Variants in WNK4 observed in about 807,000 individuals in gnomAD.
WNK4 encodes the protein serine/threonine-protein kinase WNK4.
Under a neutral mutation model 116.2 loss-of-function variants are expected in WNK4, and 94 were observed. The observed-to-expected ratio is 0.81, with a 90% CI of 0.68 to 0.96. The LOEUF (loss-of-function observed/expected upper bound fraction) is 0.96, where lower values mean the gene tolerates loss of function less well. Among genes scored for constraint, WNK4 ranks in the 40% least tolerant of loss-of-function variants. The probability of loss-of-function intolerance (pLI) is 0.00; values close to 1 mark genes in which losing one functional copy is unlikely to be tolerated. For synonymous variants in WNK4, 655 were observed against 672.7 expected, an observed-to-expected ratio of 0.97 and a Z score of 0.41; for missense variants, 1,542 against 1,650.6, an observed-to-expected ratio of 0.93 and a Z score of 1.14.
At position 42,785,259 on chromosome 17, in the gene WNK4, C is replaced by A; in HGVS notation, c.1260-7C>A. The A allele has an allele frequency of 6.2e-7, 1 of 1,608,236 alleles. No homozygotes were observed. Among genetic ancestry groups the A allele is most frequent in the Non-Finnish European group, 8.5e-7 (1 of 1,177,768 alleles). On this transcript the variant is annotated splice_region_variant and splice_polypyrimidine_tract_variant and intron_variant, in intron 5 of 18. Coordinates refer to ENST00000246914, the MANE Select transcript of WNK4 (RefSeq NM_032387.5). Reference sequence around the variant, plus strand: ...GCGGGCTCGGCTCACCCACGCGTCACCCTCAGGTTCACCATCCAGGACCTC... The same window carrying A: ...GCGGGCTCGGCTCACCCACGCGTCAACCTCAGGTTCACCATCCAGGACCTC...
chr17:42,793,223 AT>A (rs1279029092), intron 11 of WNK4, among the ~76,000 whole-genome samples: 1 of 151,848 alleles, frequency 6.6e-6, no homozygotes, highest in African/African-American at 2.4e-5. Context: ...TGGATTTTTT[AT>A]TTTTATTTTT....
chr17:42,785,255 G>A lies in WNK4; in HGVS notation c.1260-11G>A. On this transcript the variant is annotated splice_polypyrimidine_tract_variant and intron_variant, in intron 5 of 18. Coordinates refer to ENST00000246914, the MANE Select transcript of WNK4 (RefSeq NM_032387.5). The stretch of plus-strand genomic sequence containing the variant: ...CGCGGCGGGCTCGGCTCACCCACGC[G>A]TCACCCTCAGGTTCACCATCCAGGA... 2 of 1,607,422 alleles carry A rather than the reference G, an allele frequency of 1.2e-6. No homozygotes were observed. The highest frequency in any genetic ancestry group is 1.7e-6 in the Non-Finnish European group (2 of 1,177,400).
intron 6 of WNK4, among the ~76,000 whole-genome samples, chr17:42,785,916 C>T (rs1175517825): frequency 6.6e-6 from 1 of 152,186 alleles, no homozygotes; most frequent in African/African-American, 2.4e-5. Flanking sequence ...CACTATCGGT[C>T]CTGTCTTAAA....
At chr17:42,788,984 A>T (rs2054582290) in intron 11 of WNK4, among the ~76,000 whole-genome samples, 187 bp downstream of exon 11, 1 of 152,130 alleles carries the variant, frequency 6.6e-6, no homozygotes, top group Non-Finnish European at 1.5e-5. Flanking sequence ...TTATCCAGTG[A>T]GGTTTGGCTT....
chr17:42,780,880 G>T lies in WNK4; in HGVS notation c.182G>T (p.Arg61Leu). Reference sequence around the variant, plus strand: ...CGGCCGCGCTCTTCTCGTCTCAGCCGCCGTAGCTCAGTCGACTTGGGGCTG... The same window carrying T: ...CGGCCGCGCTCTTCTCGTCTCAGCCTCCGTAGCTCAGTCGACTTGGGGCTG... ...EPRPRSSRLS[R>L]RSSVDLGLLS... The change falls in exon 1 of 19, where the codon CGC (arginine) becomes CTC (leucine). Residue 61 changes from arginine (R) to leucine (L), a missense_variant. Physicochemically the swap from Arg to Leu is moderately radical, Grantham distance 102. Around this residue, in one of 7 missense-constraint regions of WNK4, gnomAD observed 243 missense variants for 217.8 expected, o/e 1.12. Transcript: ENST00000246914. 6.2e-7 allele frequency: 1 copy of T among 1,605,322 alleles called. No individual in the cohort carries two copies.
At position 42,781,097 on chromosome 17, in the gene WNK4, C is replaced by G. The variant is rs1258132604; in HGVS notation, c.399C>G (p.Gly133=). The G allele has an allele frequency of 1.2e-6, 2 of 1,613,320 alleles. No homozygotes were observed. The highest frequency in any genetic ancestry group is 1.7e-6 in the Non-Finnish European group (2 of 1,179,832). Residue 133 remains glycine (G), a synonymous_variant, in exon 1 of 19, where the codon GGC becomes GGG. Transcript: ENST00000246914. The part of the protein sequence containing the change: ...ARPELPDSAV[G]PGSREPLRVP... ...CCGAGCTCCCGGACTCTGCAGTGGG[C>G]CCGGGGTCCAGGGAGCCGCTAAGGG...
chr17:42,796,345 T>A, intron 17 of WNK4, 23 bp downstream of exon 17: 1 of 1,609,886 alleles, frequency 6.2e-7, no homozygotes, highest in South Asian at 1.1e-5. Flanking sequence ...TCACCCAGCT[T>A]CCATCTTTTC....
chr17:42,787,510 T>A lies in WNK4; in HGVS notation c.1709T>A (p.Leu570His). The A allele has an allele frequency of 6.4e-7, 1 of 1,552,734 alleles. No homozygotes were observed. ...EPEADQHQPFLFRHASYSSTT... is the reference protein window; with the variant it reads ...EPEADQHQPFHFRHASYSSTT... ...GAGGCAGACCAGCACCAGCCCTTCCTTTTCCGCCACGCCAGCTACTCATCT... is the reference window on the plus strand; with the variant it reads ...GAGGCAGACCAGCACCAGCCCTTCCATTTCCGCCACGCCAGCTACTCATCT... Residue 570 changes from leucine (L) to histidine (H), a missense_variant, in exon 7 of 19, where the codon CTT (leucine) becomes CAT (histidine). Coordinates refer to ENST00000246914, the MANE Select transcript of WNK4 (RefSeq NM_032387.5).
At chr17:42,788,828 T>C in intron 11 of WNK4, 31 bp downstream of exon 11, 1 of 1,571,230 alleles carries the variant, frequency 6.4e-7, no homozygotes, top group Non-Finnish European at 8.8e-7. Flanking sequence ...GACAGAGTGT[T>C]TGGATCTGGA....
In WNK4 at chr17:42,794,956, C is replaced by G. The variant is rs541874705; in HGVS notation, c.2535C>G (p.Pro845=). 1 of 1,612,782 alleles carries G rather than the reference C, an allele frequency of 6.2e-7. No individual in the cohort carries two copies. Among genetic ancestry groups the G allele is most frequent in the African/African-American group, 1.3e-5 (1 of 74,416 alleles). The change falls in exon 14 of 19, where the codon CCC becomes CCG. Residue 845 remains proline (P), a synonymous_variant. Transcript: ENST00000246914. ...ATCCCAGCCCCTCCCCATTCTCCCC[C>G]ATTTCTTCCCAGGTCTCCTCAAATC... The part of the protein sequence containing the change: ...PCHPSPSPFS[P]ISSQVSSNPS...
intron 2 of WNK4, 114 bp downstream of exon 2, chr17:42,783,044 C>T: frequency 1.5e-6 from 2 of 1,376,922 alleles, no homozygotes; most frequent in Non-Finnish European, 2.0e-6. Flanking sequence ...ACCAGGTTCA[C>T]CATCTCCCTC....
chr17:42,781,856 C>T (rs2054486951), intron 1 of WNK4, among the ~76,000 whole-genome samples: 1 of 152,320 alleles, frequency 6.6e-6, no homozygotes, highest in Admixed American at 6.5e-5. Flanking sequence ...AGCAGTCAGA[C>T]TTCTGGACTT....
At chr17:42,783,606 C>T in intron 2 of WNK4, 1 of 405,678 alleles carries the variant, frequency 2.5e-6, no homozygotes, top group South Asian at 2.4e-5. Context: ...AGCTCCTACT[C>T]ATCATTCAAG....
At position 42,782,222 on chromosome 17, in the gene WNK4, G is replaced by A. The variant is rs759668127; in HGVS notation, c.619-536G>A. ...GGGGGTGAGGGGAGGGAGAGGAGCC[G>A]GGGCGGGACGACTATGGGGGTGGGC... On this transcript the variant is annotated intron_variant, in intron 1 of 18. Transcript: ENST00000246914. This position sits in a 1 kb window ranked among gnomAD's most constrained non-coding sequence, Gnocchi z 4.2. Among the ~76,000 whole-genome samples, 5 of 152,136 alleles carry A rather than the reference G, an allele frequency of 3.3e-5. No individual in the cohort carries two copies. The highest frequency in any genetic ancestry group is 3.9e-4 in the East Asian group (2 of 5,188).
chr17:42,787,055 A>C (rs933534838), intron 6 of WNK4, among the ~76,000 whole-genome samples: 1 of 152,214 alleles, frequency 6.6e-6, no homozygotes, highest in African/African-American at 2.4e-5. Flanking sequence ...TGAACCAGCT[A>C]CTTCATTAAT....
At chr17:42,787,247 C>G in intron 6 of WNK4, 31 bp from the exon 7 acceptor site, 1 of 1,612,620 alleles carries the variant, frequency 6.2e-7, no homozygotes, top group Non-Finnish European at 8.5e-7. Context: ...GGGTCCCAAG[C>G]TGTGTTCCTC....
chr17:42,785,007 A>C, intron 4 of WNK4, 90 bp from the exon 5 acceptor site: 1 of 1,322,408 alleles, frequency 7.6e-7, no homozygotes, highest in Non-Finnish European at 1.1e-6. Flanking sequence ...GCAGCTGCCT[A>C]AGGAGGGAGT....
chr17:42,789,145 A>G (rs6503719), intron 11 of WNK4, among the ~76,000 whole-genome samples: 151,002 of 152,178 alleles, frequency 0.99, 74,972 homozygotes, highest in Middle Eastern at 1. Flanking sequence ...GCAAATGGGC[A>G]AGAAAGGCTG....
Position 42,782,866 on chromosome 17 carries a change from G to A in WNK4, c.727G>A (p.Val243Met), listed in dbSNP as rs751311612. 6.2e-7 allele frequency: 1 copy of A among 1,614,196 alleles called. No individual in the cohort carries two copies. Among genetic ancestry groups the A allele is most frequent in the South Asian group, 1.1e-5 (1 of 91,084 alleles). Reference protein sequence around the residue: ...IVRFYDSWKSVLRGQVCIVLV... With the variant: ...IVRFYDSWKSMLRGQVCIVLV... Reference sequence around the variant, plus strand: ...CCGCTTCTATGATTCGTGGAAGTCGGTGCTGAGGGGCCAGGTTTGCATCGT... The same window carrying A: ...CCGCTTCTATGATTCGTGGAAGTCGATGCTGAGGGGCCAGGTTTGCATCGT... The change falls in exon 2 of 19, where the codon GTG becomes ATG. Residue 243 changes from valine to methionine, a missense_variant. By Grantham distance (21) the Val-to-Met change is conservative. This residue lies in a region of WNK4 where 808 missense variants were observed against 873.6 expected (regional missense o/e 0.92). Transcript: ENST00000246914. The surrounding 1 kb of genome is among the most constrained non-coding windows in gnomAD (Gnocchi z 4.2).
Sources: gnomAD v4.1 joint callset for allele counts (sites outside exome capture counted in the v4.1 genomes callset) on GRCh38, gnomAD v4.1.1 for gene constraint, gnomAD v4.1.1 regional missense constraint, Gnocchi (gnomAD v3.1) non-coding constraint, MANE v1.5 for transcripts, NCBI Gene and HGNC (gene_info 2026-07-23, HGNC 2026-07-21) for gene names.